Variants in EPHA6 observed in about 807,000 individuals in gnomAD.
The protein encoded by EPHA6 is EPH receptor A6, also known as ephrin type-A receptor 6.
Under a neutral mutation model 112.0 loss-of-function variants are expected in EPHA6, and 50 were observed. The ratio of observed to expected loss-of-function variants is 0.45; its 90% CI spans 0.36 to 0.56. The LOEUF (loss-of-function observed/expected upper bound fraction) is 0.56. Among genes scored for constraint, EPHA6 ranks in the 20% least tolerant of loss-of-function variants. EPHA6 has a pLI of 0.00. For missense variants in EPHA6, 1,280 were observed against 1,417.4 expected (o/e 0.90, Z 1.56); for synonymous variants, 529 against 490.7 (o/e 1.08, Z -1.03).
intron 3 of EPHA6, among the ~76,000 whole-genome samples, chr3:97,150,318 C>T (rs879668640): frequency 7.2e-5 from 11 of 152,010 alleles, no homozygotes; most frequent in South Asian, 4.1e-4. Context: ...TCCTTTGTTT[C>T]GGGCTTTTTT....
At chr3:97,674,157 T>G (rs892961784) in intron 14 of EPHA6, among the ~76,000 whole-genome samples, 2 of 152,188 alleles carry the variant, frequency 1.3e-5, no homozygotes, top group African/African-American at 4.8e-5. Context: ...TGTGAATGGT[T>G]ATGGAAACAT....
intron 10 of EPHA6, among the ~76,000 whole-genome samples, chr3:97,517,370 C>A (rs943197010): frequency 6.6e-6 from 1 of 151,568 alleles, no homozygotes; most frequent in Non-Finnish European, 1.5e-5. Flanking sequence ...GGGAGAGGGA[C>A]CAAAGAAGCA....
At chr3:97,481,619 C>T (rs578098319) in intron 9 of EPHA6, 15 of 458,852 alleles carry the variant, frequency 3.3e-5, no homozygotes, top group African/African-American at 3.0e-4. Flanking sequence ...GCTGTTGCGC[C>T]CTCCCTAGGC....
At chr3:97,445,735 G>A (rs910541285) in intron 6 of EPHA6, among the ~76,000 whole-genome samples, 1 of 151,528 alleles carries the variant, frequency 6.6e-6, no homozygotes, top group Non-Finnish European at 1.5e-5. Flanking sequence ...AGCCAAAAAT[G>A]TGTTCAAACC....
Position 97,001,598 on chromosome 3 carries a change from A to G in EPHA6, c.1114+13605A>G, listed in dbSNP as rs565530975. The stretch of plus-strand genomic sequence containing the variant: ...ATATTATGAAAACTTCTGGTAAGTT[A>G]TCGTTTTCAATCTGAAATTACTACA... On this transcript the variant is annotated intron_variant, in intron 3 of 17. Coordinates refer to ENST00000389672, the MANE Select transcript of EPHA6 (RefSeq NM_001080448.3). Among the ~76,000 whole-genome samples the G allele has an allele frequency of 2.0e-5, 3 of 152,186 alleles. No individual in the cohort carries two copies. The South Asian group carries it at 6.2e-4, about 32-fold the overall frequency.
At chr3:97,484,173 G>C in intron 10 of EPHA6, 114 bp downstream of exon 10, 4 of 938,440 alleles carry the variant, frequency 4.3e-6, no homozygotes, top group Non-Finnish European at 5.9e-6. Context: ...GTTTTAACAA[G>C]TGAGAAGTAA....
At chr3:97,193,254 A>G (rs1356013738) in intron 3 of EPHA6, among the ~76,000 whole-genome samples, 1 of 152,118 alleles carries the variant, frequency 6.6e-6, no homozygotes. Context: ...AACAATATTT[A>G]TTCTTCCAAC....
At chr3:96,824,572 G>C (rs1193828256) in intron 1 of EPHA6, among the ~76,000 whole-genome samples, 1 of 151,848 alleles carries the variant, frequency 6.6e-6, no homozygotes, top group Non-Finnish European at 1.5e-5. Flanking sequence ...TATTATGTTT[G>C]GTGTGTTGAG....
At chr3:97,019,754 C>T (rs886974629) in intron 3 of EPHA6, among the ~76,000 whole-genome samples, 5 of 151,772 alleles carry the variant, frequency 3.3e-5, no homozygotes, top group Admixed American at 6.6e-5. Context: ...TTAATAAACT[C>T]GAGAACATGT....
At chr3:97,294,072 A>T (rs1252923261) in intron 5 of EPHA6, among the ~76,000 whole-genome samples, 1 of 152,230 alleles carries the variant, frequency 6.6e-6, no homozygotes, top group South Asian at 2.1e-4. Context: ...AGGAGCTGGT[A>T]CTTCCAAGCC....
At chr3:97,501,712 T>C (rs1377460393) in intron 10 of EPHA6, among the ~76,000 whole-genome samples, 1 of 152,052 alleles carries the variant, frequency 6.6e-6, no homozygotes, top group African/African-American at 2.4e-5. Flanking sequence ...GTATCTAGCC[T>C]TAAAATGCTT....
chr3:97,631,970 G>A (rs1021381614), intron 13 of EPHA6, among the ~76,000 whole-genome samples: 1 of 151,976 alleles, frequency 6.6e-6, no homozygotes, highest in African/African-American at 2.4e-5. Flanking sequence ...TGAAGATCTA[G>A]AAAGAAATAT....
At chr3:96,844,544 T>TGATAA (rs1278045841) in intron 1 of EPHA6, among the ~76,000 whole-genome samples, 5 of 152,032 alleles carry the variant, frequency 3.3e-5, no homozygotes, top group Admixed American at 2.6e-4. Context: ...ATGTTAAATA[T>TGATAA]GATAAGAGGG....
chr3:97,327,689 C>T (rs544659741), intron 5 of EPHA6, among the ~76,000 whole-genome samples: 3 of 151,858 alleles, frequency 2.0e-5, no homozygotes, highest in African/African-American at 7.2e-5. Context: ...AAAACTTTAT[C>T]ATGTTAAAGA....
rs142473597 is a variant in EPHA6, at chr3:96,879,670, G to A, written c.450+12781G>A. On this transcript the variant is annotated intron_variant, in intron 2 of 17. Coordinates refer to ENST00000389672, the MANE Select transcript of EPHA6 (RefSeq NM_001080448.3). The stretch of plus-strand genomic sequence containing the variant: ...GGAATGATTTCCGTTTGTGTCATCT[G>A]TGATTTCTTTCATCAGCATTTCGTA... Among the ~76,000 whole-genome samples, 19 of 152,176 alleles carry A rather than the reference G, an allele frequency of 1.2e-4. No homozygotes were observed. The East Asian group carries it at 3.7e-3, about 29-fold the overall frequency.
intron 2 of EPHA6, among the ~76,000 whole-genome samples, chr3:96,970,742 C>T (rs184971632): frequency 6.5e-4 from 99 of 152,208 alleles, no homozygotes; most frequent in African/African-American, 2.3e-3. Flanking sequence ...GTAAATTTAT[C>T]TTGATTCAAA....
intron 3 of EPHA6, among the ~76,000 whole-genome samples, chr3:97,009,614 G>A (rs947906882): frequency 2.0e-5 from 3 of 152,246 alleles, no homozygotes; most frequent in African/African-American, 4.8e-5. Flanking sequence ...AGGCAGCTGC[G>A]CTGGTGCTGG....
chr3:96,856,204 C>T (rs1559776442), intron 1 of EPHA6, among the ~76,000 whole-genome samples: 1 of 151,570 alleles, frequency 6.6e-6, no homozygotes, highest in African/African-American at 2.4e-5. Context: ...CGCGCCACTG[C>T]ACATCAGCCT....
intron 7 of EPHA6, among the ~76,000 whole-genome samples, chr3:97,462,363 G>T (rs2090918603): frequency 6.6e-6 from 1 of 152,088 alleles, no homozygotes; most frequent in African/African-American, 2.4e-5. Context: ...CCGTGAATCA[G>T]CTGCTACTCC....
Sources: gnomAD v4.1 joint callset for allele counts (sites outside exome capture counted in the v4.1 genomes callset) on GRCh38, gnomAD v4.1.1 for gene constraint, MANE v1.5 for transcripts, NCBI Gene and HGNC (gene_info 2026-07-23, HGNC 2026-07-21) for gene names.